Variants in ESRRB observed in about 807,000 individuals in gnomAD.
ESRRB encodes the protein estrogen related receptor beta.
In ESRRB, 16 loss-of-function variants were observed where a neutral mutation model predicts 46.0. The observed-to-expected ratio is 0.35, with a 90% CI of 0.24 to 0.53. ESRRB has a LOEUF of 0.53. Among genes scored for constraint, ESRRB ranks in the 20% least tolerant of loss-of-function variants. The probability of loss-of-function intolerance (pLI) is 0.93; values close to 1 mark genes in which losing one functional copy is unlikely to be tolerated. For synonymous variants in ESRRB, 246 were observed against 259.6 expected (o/e 0.95, Z 0.50); for missense variants, 488 against 607.4 (o/e 0.80, Z 2.07).
At chr14:76,409,449 A>T (rs1886339268) in intron 1 of ESRRB, among the ~76,000 whole-genome samples, 1 of 152,094 alleles carries the variant, frequency 6.6e-6, no homozygotes, top group East Asian at 1.9e-4. Context: ...TTTGAGGGGA[A>T]GGATGCCGTG....
At chr14:76,486,606 C>T (rs561330580) in intron 5 of ESRRB, among the ~76,000 whole-genome samples, 4 of 151,900 alleles carry the variant, frequency 2.6e-5, no homozygotes, top group East Asian at 1.9e-4. Flanking sequence ...TGCCAAATCA[C>T]GGATGGGGGG....
intron 1 of ESRRB, among the ~76,000 whole-genome samples, chr14:76,406,272 G>A (rs1229830720): frequency 6.6e-6 from 1 of 152,126 alleles, no homozygotes; most frequent in Non-Finnish European, 1.5e-5. Context: ...TGTCTCTGAG[G>A]GTCTCTGAGG....
intron 1 of ESRRB, among the ~76,000 whole-genome samples, chr14:76,352,580 C>A (rs79769188): frequency 0.014 from 2,195 of 152,306 alleles, 49 homozygotes; most frequent in African/African-American, 0.05. Flanking sequence ...GCCTTCAAAT[C>A]CCAGGTTTAG....
In ESRRB at chr14:76,457,184, G is replaced by A. The variant is rs147452812; in HGVS notation, c.461-5361G>A. 1.7e-3 allele frequency among the ~76,000 whole-genome samples: 260 copies of A among 152,216 alleles called. 1 individual carries two copies. The highest frequency in any genetic ancestry group is 1.7e-3 in the Non-Finnish European group (114 of 68,012). ...GGTTACCCCTCTGCCTTAAGGTCAC[G>A]GAGAAGTCCAGGTCAGGTTCTACCA... On this transcript the variant is annotated intron_variant, in intron 2 of 6. Transcript: ENST00000644823.
At chr14:76,400,344 A>G (rs924354115) in intron 1 of ESRRB, among the ~76,000 whole-genome samples, 3 of 152,226 alleles carry the variant, frequency 2.0e-5, no homozygotes, top group Admixed American at 6.5e-5. Context: ...AGCACAGGGC[A>G]GAGAACTCTG....
At chr14:76,329,019 G>C (rs1302003181) in intron 1 of ESRRB, among the ~76,000 whole-genome samples, 1 of 152,178 alleles carries the variant, frequency 6.6e-6, no homozygotes, top group African/African-American at 2.4e-5. Context: ...GGTTGTGAAG[G>C]GAGCTGAATG....
chr14:76,333,726 A>G (rs143949222), intron 1 of ESRRB, among the ~76,000 whole-genome samples: 59 of 151,998 alleles, frequency 3.9e-4, no homozygotes, highest in African/African-American at 1.3e-3. Context: ...CATATAGGTA[A>G]TATTAAAAAA....
chr14:76,384,167 A>G (rs1361214185), intron 1 of ESRRB, among the ~76,000 whole-genome samples: 1 of 152,066 alleles, frequency 6.6e-6, no homozygotes, highest in East Asian at 1.9e-4. Flanking sequence ...TCTTACTTTT[A>G]GCTTCACTCT....
intron 6 of ESRRB, among the ~76,000 whole-genome samples, chr14:76,497,246 A>G (rs1890467527): frequency 6.6e-6 from 1 of 151,956 alleles, no homozygotes; most frequent in Non-Finnish European, 1.5e-5. Flanking sequence ...AATGTGGAGG[A>G]GGCTTGGGTG....
chr14:76,388,309 G>A (rs1165185129), intron 1 of ESRRB, among the ~76,000 whole-genome samples: 1 of 151,450 alleles, frequency 6.6e-6, no homozygotes. Flanking sequence ...CTCCCAAGTA[G>A]CTGGGACTAT....
intron 1 of ESRRB, among the ~76,000 whole-genome samples, chr14:76,402,911 G>A (rs1282557369): frequency 6.6e-6 from 1 of 152,012 alleles, no homozygotes; most frequent in African/African-American, 2.4e-5. Context: ...CTGGAGGGCT[G>A]GAGTCCAGTG....
At chr14:76,363,030 G>T (rs1205755562) in intron 1 of ESRRB, among the ~76,000 whole-genome samples, 1 of 152,188 alleles carries the variant, frequency 6.6e-6, no homozygotes, top group Non-Finnish European at 1.5e-5. Flanking sequence ...GAGGAACTAA[G>T]TCTCCATAAA....
chr14:76,449,225 T>C (rs543122027), intron 2 of ESRRB, among the ~76,000 whole-genome samples: 12 of 152,356 alleles, frequency 7.9e-5, no homozygotes, highest in African/African-American at 2.9e-4. Context: ...TGTAAGATTA[T>C]TTTCCTGGGA....
rs901129791 is a variant in ESRRB at position 76,483,464 on chromosome 14, G to A, written c.850+705G>A. Among the ~76,000 whole-genome samples the A allele has an allele frequency of 8.5e-5, 13 of 152,158 alleles. No individual in the cohort carries two copies. In the East Asian group the frequency reaches 1.2e-3, roughly 14 times the overall value. On this transcript the variant is annotated intron_variant, in intron 5 of 6. Transcript: ENST00000644823. ...GAGATTTTAAGGGCCTTTCTGGTGC[G>A]GAAAGTGTGTGTTCCATGTTTCAGG...
chr14:76,499,668 T>C lies in ESRRB; in HGVS notation c.*1210T>C. The stretch of plus-strand genomic sequence containing the variant: ...CTGGGCACCGCGAGCACGCCAGCTC[T>C]CTGGCAGGACCCCTGCAGTCCCCCT... On this transcript the variant is annotated 3_prime_UTR_variant, in exon 7 of 7. Transcript: ENST00000644823. The C allele has an allele frequency of 1.5e-6, 1 of 653,212 alleles. No homozygotes were observed. Among genetic ancestry groups the C allele is most frequent in the Non-Finnish European group, 2.8e-6 (1 of 361,810 alleles). 40.5% of individuals were successfully genotyped at this position (653,212 alleles called of 1,614,324 possible).
intron 1 of ESRRB, among the ~76,000 whole-genome samples, chr14:76,320,130 C>G (rs919396810): frequency 1.3e-5 from 2 of 152,032 alleles, no homozygotes; most frequent in African/African-American, 4.8e-5. Flanking sequence ...GGTAATGAGG[C>G]CAGAGAGAGG....
At chr14:76,368,189 C>T (rs1236033215), upstream of ESRRB, among the ~76,000 whole-genome samples, 2 of 141,512 alleles carry the variant, frequency 1.4e-5, no homozygotes, top group African/African-American at 2.7e-5. Context: ...TAACCAGGAT[C>T]GTCTCAATCT....
chr14:76,350,563 C>T (rs1884302216), intron 1 of ESRRB, among the ~76,000 whole-genome samples: 1 of 152,210 alleles, frequency 6.6e-6, no homozygotes, highest in Non-Finnish European at 1.5e-5. Flanking sequence ...GGGACTGAGT[C>T]ACTCCCCAGT....
intron 2 of ESRRB, among the ~76,000 whole-genome samples, chr14:76,456,854 G>A (rs958401067): frequency 2.0e-5 from 3 of 152,158 alleles, no homozygotes; most frequent in Admixed American, 6.5e-5. Flanking sequence ...CCTGGGCAAC[G>A]CAGAGATGAA....
Sources: gnomAD v4.1 joint callset for allele counts (sites outside exome capture counted in the v4.1 genomes callset) on GRCh38, gnomAD v4.1.1 for gene constraint, MANE v1.5 for transcripts, NCBI Gene and HGNC (gene_info 2026-07-23, HGNC 2026-07-21) for gene names.